Variants in MACF1 observed in about 807,000 individuals in gnomAD.
The protein encoded by MACF1 is microtubule actin crosslinking factor 1.
MACF1 carries 193 observed loss-of-function variants against 854.8 expected under a neutral mutation model. That is an observed-to-expected ratio of 0.23 (90% CI 0.20 to 0.25). MACF1 has a LOEUF of 0.25. Ranked by LOEUF, MACF1 falls within the 10% of genes least tolerant of loss-of-function variation. MACF1 has a pLI of 1.00. For synonymous variants in MACF1, 3,185 were observed against 3,226.7 expected, an observed-to-expected ratio of 0.99 and a Z score of 0.44; for missense variants, 7,722 against 8,929.1, an observed-to-expected ratio of 0.86 and a Z score of 5.45.
At position 39,442,316 on chromosome 1, in the gene MACF1, G is replaced by A. The variant is rs1294102256; in HGVS notation, c.18944G>A (p.Arg6315Gln). ...AACCTGGGTGAGAAAATTGCCCACC[G>A]ACAGGTAAGGCAGGTGGTAGATGAC... ...WENLGEKIAH[R>Q]QHKLEGALLA... The change falls in exon 76 of 101, where the codon CGA (arginine) becomes CAA (glutamine). Residue 6315 changes from arginine (R) to glutamine (Q), a missense_variant. Physicochemically the swap from Arg to Gln is conservative, Grantham distance 43. Transcript: ENST00000564288. 4 of 1,594,804 alleles carry A rather than the reference G, an allele frequency of 2.5e-6. No homozygotes were observed. The highest frequency in any genetic ancestry group is 1.4e-5 in the African/African-American group (1 of 73,678).
intron 1 of MACF1, among the ~76,000 whole-genome samples, chr1:39,214,838 G>T (rs2148281519): frequency 6.6e-6 from 1 of 152,254 alleles, no homozygotes; most frequent in Admixed American, 6.5e-5. Flanking sequence ...ATGTACTTCT[G>T]CCTGAGAAGA....
At chr1:39,282,453 A>G (rs1236719537) in intron 7 of MACF1, 79 bp downstream of exon 7, 2 of 1,349,104 alleles carry the variant, frequency 1.5e-6, no homozygotes, top group African/African-American at 2.9e-5. Context: ...TACTGTTTCC[A>G]TCTCCTCAAT....
chr1:39,105,611 G>A lies in MACF1; in HGVS notation c.220+21173G>A, dbSNP rs1642209420. On this transcript the variant is annotated intron_variant, in intron 2 of 93. Coordinates refer to the MACF1 transcript ENST00000361689. The surrounding 1 kb of genome is among the most constrained non-coding windows in gnomAD (Gnocchi z 5.9). ...AGCCCCCGGGGCTCGGCGAGAAGGC[G>A]GTGCGGGCGGCCATGGCCGGCTACG... 1 of 1,219,116 alleles carries A rather than the reference G, an allele frequency of 8.2e-7. No individual in the cohort carries two copies. Among genetic ancestry groups the A allele is most frequent in the Non-Finnish European group, 1.0e-6 (1 of 953,546 alleles). The allele number at this position is 1,219,116 out of a possible 1,614,324, so 75.5% of individuals were successfully genotyped here.
chr1:39,458,571 A>C, intron 90 of MACF1, 81 bp downstream of exon 90: 1 of 1,483,702 alleles, frequency 6.7e-7, no homozygotes, highest in Non-Finnish European at 9.0e-7. Context: ...TATCAAAAAA[A>C]ATTATATTCC....
At chr1:39,304,961 T>G (rs72661951) in intron 23 of MACF1, 11,973 of 151,812 alleles carry the variant, frequency 0.079, 630 homozygotes, top group Non-Finnish European at 0.11. Flanking sequence ...TCTTTAATTT[T>G]TATTAAAGTA....
chr1:39,158,269 G>C (rs1424514646), intron 2 of MACF1, among the ~76,000 whole-genome samples: 1 of 152,144 alleles, frequency 6.6e-6, no homozygotes, highest in Non-Finnish European at 1.5e-5. Context: ...TATCCATGGA[G>C]AGGGTCCTGT....
chr1:39,267,309 G>T (rs1645245148), intron 6 of MACF1, among the ~76,000 whole-genome samples: 1 of 152,070 alleles, frequency 6.6e-6, no homozygotes, highest in Admixed American at 6.5e-5. Flanking sequence ...TTGGCTCACT[G>T]CAACCTCCAC....
Position 39,439,289 on chromosome 1 carries a change from T to C in MACF1, c.18236T>C (p.Leu6079Ser). 1 of 1,610,658 alleles carries C rather than the reference T, an allele frequency of 6.2e-7. No individual in the cohort carries two copies. The highest frequency in any genetic ancestry group is 2.2e-5 in the East Asian group (1 of 44,814). The change falls in exon 72 of 101, where the codon TTG becomes TCG. Residue 6079 changes from leucine (L) to serine (S), a missense_variant. Leu to Ser is a moderately radical substitution (Grantham distance 145). This residue lies in a region of MACF1 where 2,807 missense variants were observed against 3,235.8 expected (regional missense o/e 0.87). Transcript: ENST00000564288. Reference sequence around the variant, plus strand: ...ACCTCCTCAGAAATCCAGGATAAATTGGATCAAATGGTATTCTTCTGGGAG... The same window carrying C: ...ACCTCCTCAGAAATCCAGGATAAATCGGATCAAATGGTATTCTTCTGGGAG... ...DLAAKEIQDK[L>S]DQMVFFWEDI...
intron 70 of MACF1, chr1:39,437,561 C>A: frequency 2.0e-6 from 1 of 506,420 alleles, no homozygotes; most frequent in South Asian, 1.7e-5. Context: ...ATCCACACAC[C>A]TCAGCCTCCC....
intron 58 of MACF1, among the ~76,000 whole-genome samples, chr1:39,417,737 TTTTTTTTTTTTTGG>T (rs1643377598): frequency 3.3e-5 from 4 of 122,816 alleles, no homozygotes; most frequent in African/African-American, 1.4e-4. Context: ...TTTTTTTTTT[TTTTTTTTTTTTTGG>T]ATTTTTAGTA....
chr1:39,297,049 G>A (rs533453288), intron 20 of MACF1, among the ~76,000 whole-genome samples: 5 of 151,754 alleles, frequency 3.3e-5, no homozygotes, highest in African/African-American at 9.7e-5. Flanking sequence ...TCAGCCTCTC[G>A]AATAGCTGGG....
At chr1:39,192,836 CTT>C (rs923762365) in intron 2 of MACF1, among the ~76,000 whole-genome samples, 1 of 152,192 alleles carries the variant, frequency 6.6e-6, no homozygotes, top group Non-Finnish European at 1.5e-5. Flanking sequence ...GTATTAAGAA[CTT>C]TATGGGCGAA....
intron 2 of MACF1, among the ~76,000 whole-genome samples, chr1:39,187,854 C>CTCTCTCTCTCTG (rs1467703778): frequency 4.8e-5 from 7 of 145,688 alleles, no homozygotes; most frequent in East Asian, 4.2e-4. Context: ...GTCTTTCTCT[C>CTCTCTCTCTCTG]TCTCTCTCTC....
At chr1:39,211,781 G>T (rs1314719340) in intron 1 of MACF1, among the ~76,000 whole-genome samples, 1 of 151,898 alleles carries the variant, frequency 6.6e-6, no homozygotes, top group Admixed American at 6.6e-5. Flanking sequence ...CTTGGGAAGT[G>T]GAGGCAGGAG....
chr1:39,287,550 A>C lies in MACF1; in HGVS notation c.1773A>C (p.Val591=), dbSNP rs752960815. The part of the protein sequence containing the change: ...LRFVYELLSW[V]EEMQMKLERA... ...TTGTGTATGAACTACTGTCTTGGGT[A>C]GAAGAGATGCAGGTGGGTGCATATC... The change falls in exon 15 of 101, where the codon GTA becomes GTC. Residue 591 remains valine (V), a synonymous_variant. Transcript: ENST00000564288. The C allele has an allele frequency of 1.9e-5, 31 of 1,614,120 alleles. No homozygotes were observed. The Admixed American group carries it at 4.8e-4, about 25-fold the overall frequency.
intron 40 of MACF1, among the ~76,000 whole-genome samples, chr1:39,344,908 G>T (rs1246656010): frequency 1.3e-5 from 2 of 152,086 alleles, no homozygotes; most frequent in Non-Finnish European, 2.9e-5. Context: ...TTATTTTAGA[G>T]AGATGGTTGA....
chr1:39,370,184 A>C lies in MACF1; in HGVS notation c.13093A>C (p.Lys4365Gln), dbSNP rs778362018. 5.0e-6 allele frequency: 8 copies of C among 1,608,586 alleles called. No individual in the cohort carries two copies. Among genetic ancestry groups the C allele is most frequent in the Middle Eastern group, 1.7e-4 (1 of 6,050 alleles). Reference protein sequence around the residue: ...KELEKQIEHLKSLLDDWASKG... With the variant: ...KELEKQIEHLQSLLDDWASKG... ...GTTAGAAAAGCAGATTGAACACCTG[A>C]AGGTAGGTGAACAAAGGGACTCCAA... The change falls in exon 51 of 101, where the codon AAG becomes CAG. Residue 4365 changes from lysine to glutamine, a missense_variant and splice_region_variant. Coordinates refer to ENST00000564288, the MANE Select transcript of MACF1 (RefSeq NM_001394062.1).
At chr1:39,420,958 C>T (rs1021197786) in intron 58 of MACF1, among the ~76,000 whole-genome samples, 6 of 151,462 alleles carry the variant, frequency 4.0e-5, no homozygotes, top group African/African-American at 7.3e-5. Context: ...CTCTACCTCC[C>T]GGGTTCACTC....
Position 39,409,972 on chromosome 1 carries a change from G to T in MACF1, c.15817-12402G>T. 3.2e-6 allele frequency: 1 copy of T among 308,810 alleles called. No homozygotes were observed. Among genetic ancestry groups the T allele is most frequent in the African/African-American group, 2.1e-5 (1 of 46,714 alleles). 19.1% of individuals were successfully genotyped at this position (308,810 alleles called of 1,614,324 possible). ...CAGATGATTTTTGTTGACTGTATTTGAAAGAGCAGTGCTCTTAAAAAAAAT... is the reference window on the plus strand; with the variant it reads ...CAGATGATTTTTGTTGACTGTATTTTAAAGAGCAGTGCTCTTAAAAAAAAT... On this transcript the variant is annotated intron_variant, in intron 58 of 100. Coordinates refer to ENST00000564288, the MANE Select transcript of MACF1 (RefSeq NM_001394062.1). This position sits in a 1 kb window ranked among gnomAD's most constrained non-coding sequence, Gnocchi z 4.2.
Sources: gnomAD v4.1 joint callset for allele counts (sites outside exome capture counted in the v4.1 genomes callset) on GRCh38, gnomAD v4.1.1 for gene constraint, gnomAD v4.1.1 regional missense constraint, Gnocchi (gnomAD v3.1) non-coding constraint, MANE v1.5 for transcripts, NCBI Gene and HGNC (gene_info 2026-07-23, HGNC 2026-07-21) for gene names.